Variants in NOS1AP observed in about 807,000 individuals in gnomAD.
The protein encoded by NOS1AP is nitric oxide synthase 1 adaptor protein, also known as carboxyl-terminal PDZ ligand of neuronal nitric oxide synthase protein.
Under a neutral mutation model 56.2 loss-of-function variants are expected in NOS1AP, and 21 were observed. That is an observed-to-expected ratio of 0.37 (90% CI 0.26 to 0.54). NOS1AP has a LOEUF of 0.54. NOS1AP is among the 20% of genes least tolerant of loss of function. The pLI is 0.84. For synonymous variants in NOS1AP, 270 were observed against 274.6 expected (o/e 0.98, Z 0.17); for missense variants, 522 against 657.8 (o/e 0.79, Z 2.26).
At chr1:162,206,754 A>G (rs1228105988) in intron 2 of NOS1AP, among the ~76,000 whole-genome samples, 1 of 152,246 alleles carries the variant, frequency 6.6e-6, no homozygotes, top group Non-Finnish European at 1.5e-5. Context: ...TATTGTTACC[A>G]GACAAGCCAG....
chr1:162,358,025 C>T (rs767768853), intron 8 of NOS1AP, among the ~76,000 whole-genome samples: 6 of 152,042 alleles, frequency 3.9e-5, no homozygotes, highest in Non-Finnish European at 7.4e-5. Context: ...GGAGACGGGG[C>T]AGTTGGGGCT....
At chr1:162,299,646 T>C (rs190942361) in intron 3 of NOS1AP, among the ~76,000 whole-genome samples, 8 of 152,270 alleles carry the variant, frequency 5.3e-5, no homozygotes, top group Non-Finnish European at 1.0e-4. Flanking sequence ...GTAACTGAAG[T>C]TTTGTTGTCT....
At chr1:162,073,922 T>G (rs547891731) in intron 1 of NOS1AP, among the ~76,000 whole-genome samples, 41 of 152,324 alleles carry the variant, frequency 2.7e-4, no homozygotes, top group African/African-American at 9.4e-4. Flanking sequence ...CCTTAGTAAC[T>G]GCCTCCTGAT....
At chr1:162,347,344 C>T (rs2101810804) in intron 6 of NOS1AP, among the ~76,000 whole-genome samples, 1 of 152,320 alleles carries the variant, frequency 6.6e-6, no homozygotes, top group Middle Eastern at 3.4e-3. Flanking sequence ...GAAAGTTTAA[C>T]CAGAAAGTAA....
At chr1:162,134,485 TAAAAAAAAA>T (rs66940059) in intron 1 of NOS1AP, among the ~76,000 whole-genome samples, 2 of 92,736 alleles carry the variant, frequency 2.2e-5, no homozygotes, top group African/African-American at 3.1e-5. Context: ...AGACTTTGTC[TAAAAAAAAA>T]AAAAAAAAAA....
intron 2 of NOS1AP, among the ~76,000 whole-genome samples, chr1:162,161,366 A>G (rs1200687964): frequency 1.3e-5 from 2 of 152,138 alleles, no homozygotes; most frequent in African/African-American, 4.8e-5. Context: ...CTACTGAGGT[A>G]CTCCAATATT....
chr1:162,211,416 C>T (rs1165437705), intron 2 of NOS1AP, among the ~76,000 whole-genome samples: 2 of 152,128 alleles, frequency 1.3e-5, no homozygotes, highest in East Asian at 1.9e-4. Flanking sequence ...GATGCCAATC[C>T]TATGGGATTA....
At chr1:162,353,561 GT>G (rs1447017810) in intron 6 of NOS1AP, among the ~76,000 whole-genome samples, 20 of 152,174 alleles carry the variant, frequency 1.3e-4, no homozygotes, top group African/African-American at 4.6e-4. Flanking sequence ...TACTTTGTCA[GT>G]ATTTATGGAA....
intron 2 of NOS1AP, among the ~76,000 whole-genome samples, chr1:162,259,221 A>G (rs1012378151): frequency 3.9e-5 from 6 of 152,116 alleles, no homozygotes; most frequent in Admixed American, 6.5e-5. Context: ...AACATTTTCA[A>G]TCTTTTGAAA....
chr1:162,307,494 A>G (rs1655872146), intron 4 of NOS1AP, among the ~76,000 whole-genome samples: 1 of 152,224 alleles, frequency 6.6e-6, no homozygotes, highest in African/African-American at 2.4e-5. Context: ...ACATCCAAAT[A>G]GTGACATGAT....
At chr1:162,185,832 CCA>C (rs1288816848) in intron 2 of NOS1AP, among the ~76,000 whole-genome samples, 2 of 152,058 alleles carry the variant, frequency 1.3e-5, no homozygotes, top group African/African-American at 4.8e-5. Flanking sequence ...CATGCAAATT[CCA>C]GAAAGAAAGG....
At chr1:162,105,888 A>G (rs1399970625) in intron 1 of NOS1AP, among the ~76,000 whole-genome samples, 4 of 152,244 alleles carry the variant, frequency 2.6e-5, no homozygotes, top group Middle Eastern at 3.4e-3. Flanking sequence ...GTGGGTCTCA[A>G]TCCACGTGGT....
chr1:162,103,260 C>T (rs2341482), intron 1 of NOS1AP, among the ~76,000 whole-genome samples: 151,551 of 152,318 alleles, frequency 0.99, 75,401 homozygotes, highest in Middle Eastern at 1. Flanking sequence ...AATTTCTTAA[C>T]GTTGCGTTCT....
intron 8 of NOS1AP, chr1:162,363,867 G>C (rs1457637604): frequency 9.1e-6 from 9 of 985,306 alleles, no homozygotes; most frequent in Non-Finnish European, 1.1e-5. Flanking sequence ...GTCCTTAGCA[G>C]CTTTATGGAG....
intron 2 of NOS1AP, among the ~76,000 whole-genome samples, chr1:162,186,529 A>G (rs766797732): frequency 1.8e-4 from 27 of 152,168 alleles, no homozygotes; most frequent in Non-Finnish European, 3.1e-4. Flanking sequence ...CCCCAAATTC[A>G]TACGTTGAAA....
intron 2 of NOS1AP, among the ~76,000 whole-genome samples, chr1:162,267,386 C>G (rs1484264942): frequency 6.6e-6 from 1 of 152,136 alleles, no homozygotes; most frequent in Admixed American, 6.5e-5. Context: ...CTCCTTTTCT[C>G]TCTTGAAGCC....
intron 2 of NOS1AP, among the ~76,000 whole-genome samples, chr1:162,215,232 A>T (rs1652524885): frequency 6.6e-6 from 1 of 152,158 alleles, no homozygotes; most frequent in African/African-American, 2.4e-5. Context: ...CGTAAGTCCC[A>T]GGAAGTGCCT....
At chr1:162,099,197 GT>G (rs71581447) in intron 1 of NOS1AP, among the ~76,000 whole-genome samples, 18 of 141,396 alleles carry the variant, frequency 1.3e-4, no homozygotes, top group Admixed American at 2.1e-4. Flanking sequence ...CTTTTTTTTT[GT>G]TTTTTTTTTT....
Position 162,163,203 on chromosome 1 carries a change from AC to A in NOS1AP, c.177+8728del, listed in dbSNP as rs1181446626. On this transcript the variant is annotated intron_variant, in intron 2 of 9. Transcript: ENST00000361897. Reference sequence around the variant, plus strand: ...TACCACATATTATTTATTCATTTAAACACGGGGTGTTTGCCAATTTTTTTTT... The same window carrying A: ...TACCACATATTATTTATTCATTTAAAACGGGGTGTTTGCCAATTTTTTTTT... 3.9e-5 allele frequency among the ~76,000 whole-genome samples: 6 copies of A among 152,322 alleles called. No individual in the cohort carries two copies. The East Asian group carries it at 7.7e-4, about 20-fold the overall frequency.
Sources: allele counts gnomAD v4.1 joint callset (sites outside exome capture counted in the v4.1 genomes callset), GRCh38; gene constraint gnomAD v4.1.1; transcripts MANE v1.5; gene names NCBI Gene and HGNC (gene_info 2026-07-23, HGNC 2026-07-21).